Variants in CCDC3 observed in about 807,000 individuals in gnomAD.
CCDC3 encodes the protein coiled-coil domain containing 3.
Under a neutral mutation model 21.4 loss-of-function variants are expected in CCDC3, and 24 were observed. The observed-to-expected ratio is 1.12, with a 90% CI of 0.81 to 1.58. The LOEUF (loss-of-function observed/expected upper bound fraction) is 1.58. Ranked by LOEUF, CCDC3 falls within the 40% of genes most tolerant of loss-of-function variation. CCDC3 has a pLI of 0.00. For missense variants in CCDC3, 425 were observed against 360.9 expected, an observed-to-expected ratio of 1.18 and a Z score of -1.44; for synonymous variants, 186 against 166.0, an observed-to-expected ratio of 1.12 and a Z score of -0.93.
intron 2 of CCDC3, among the ~76,000 whole-genome samples, chr10:12,965,743 C>G (rs1564301532): frequency 1.3e-5 from 2 of 152,132 alleles, no homozygotes; most frequent in Non-Finnish European, 1.5e-5. Context: ...CTTTTGGATG[C>G]CGGCAGTTTG....
At chr10:13,085,546 T>C (rs1837091821) in intron 3 of CCDC3, among the ~76,000 whole-genome samples, 1 of 152,228 alleles carries the variant, frequency 6.6e-6, no homozygotes, top group South Asian at 2.1e-4. Context: ...TTGTAATGCA[T>C]ATCAGCATAT....
At chr10:13,055,526 T>C (rs1290854286) in intron 4 of CCDC3, among the ~76,000 whole-genome samples, 2 of 151,942 alleles carry the variant, frequency 1.3e-5, no homozygotes, top group African/African-American at 4.8e-5. Context: ...GACAGGGCTA[T>C]GTTGCCTAGG....
At chr10:13,023,172 A>G (rs1178287251) in intron 5 of CCDC3, among the ~76,000 whole-genome samples, 1 of 152,192 alleles carries the variant, frequency 6.6e-6, no homozygotes, top group African/African-American at 2.4e-5. Context: ...CTGCTATTGT[A>G]CAATTTTATC....
intron 3 of CCDC3, among the ~76,000 whole-genome samples, chr10:13,084,286 T>TC (rs71386146): frequency 0.3 from 37,667 of 123,918 alleles, 5,182 homozygotes; most frequent in Non-Finnish European, 0.35. Context: ...TCTTTTCTTT[T>TC]CTTTTTTTTT....
chr10:13,072,159 A>G (rs1368132400), intron 4 of CCDC3, among the ~76,000 whole-genome samples: 2 of 152,022 alleles, frequency 1.3e-5, no homozygotes, highest in African/African-American at 4.8e-5. Flanking sequence ...TCGTTTTGAT[A>G]TATGTTTCCT....
intron 5 of CCDC3, among the ~76,000 whole-genome samples, chr10:13,011,430 A>G (rs750853029): frequency 1.4e-4 from 22 of 152,172 alleles, no homozygotes; most frequent in Non-Finnish European, 2.5e-4. Flanking sequence ...ACACAATCCC[A>G]TTCAGAATTG....
At chr10:13,084,322 G>A (rs1459514338) in intron 3 of CCDC3, among the ~76,000 whole-genome samples, 6 of 124,446 alleles carry the variant, frequency 4.8e-5, no homozygotes, top group Non-Finnish European at 9.9e-5. Context: ...TTTCACTCTT[G>A]TTGCCCAGGC....
At chr10:12,996,934 G>A (rs1272640023) in intron 2 of CCDC3, among the ~76,000 whole-genome samples, 1 of 152,130 alleles carries the variant, frequency 6.6e-6, no homozygotes, top group African/African-American at 2.4e-5. Flanking sequence ...ACGTGAGGGT[G>A]GGAGGAGGGT....
rs182991969 is a variant in CCDC3 at position 13,023,891 on chromosome 10, C to T, written c.-1-25379G>A. ...TGGCCTACACACACCCAATATACAA[C>T]GATAAGGCAAGCATAGGAAACCTGC... On this transcript the variant is annotated intron_variant, in intron 5 of 6. Coordinates refer to the CCDC3 transcript ENST00000378839. 2.3e-4 allele frequency among the ~76,000 whole-genome samples: 35 copies of T among 152,032 alleles called. 1 individual carries two copies. The highest frequency in any genetic ancestry group is 1.5e-3 in the East Asian group (8 of 5,192).
intron 2 of CCDC3, among the ~76,000 whole-genome samples, chr10:12,922,130 C>T (rs281856): frequency 0.96 from 146,885 of 152,346 alleles, 71,045 homozygotes; most frequent in East Asian, 1. Flanking sequence ...TCTCTGACTC[C>T]CATTCCTCTT....
intron 4 of CCDC3, among the ~76,000 whole-genome samples, chr10:13,070,610 G>C (rs1442669746): frequency 2.6e-5 from 4 of 152,176 alleles, no homozygotes; most frequent in Non-Finnish European, 4.4e-5. Context: ...CTCAAGAAGA[G>C]AGGAGTTTGC....
chr10:13,068,868 G>C (rs964596998), intron 4 of CCDC3, among the ~76,000 whole-genome samples: 4 of 152,222 alleles, frequency 2.6e-5, no homozygotes, highest in Admixed American at 2.6e-4. Context: ...TGATAAGAAG[G>C]CGTAGAAATG....
At chr10:13,040,146 G>A (rs1241114863) in intron 5 of CCDC3, among the ~76,000 whole-genome samples, 3 of 152,216 alleles carry the variant, frequency 2.0e-5, no homozygotes, top group East Asian at 3.9e-4. Context: ...GGGCATGAGA[G>A]GGACGTCTCA....
intron 2 of CCDC3, among the ~76,000 whole-genome samples, chr10:12,989,919 T>C (rs530563024): frequency 6.6e-6 from 1 of 151,686 alleles, no homozygotes; most frequent in Admixed American, 6.6e-5. Flanking sequence ...TTCAGTGCCA[T>C]GTGCAAGCAG....
chr10:12,915,509 C>T (rs894966650), intron 2 of CCDC3, among the ~76,000 whole-genome samples: 1 of 152,180 alleles, frequency 6.6e-6, no homozygotes, highest in Middle Eastern at 3.4e-3. Flanking sequence ...GTTACTGGTG[C>T]TTTATTTTGT....
At chr10:13,072,867 C>CTTTCT (rs1836902364) in intron 4 of CCDC3, among the ~76,000 whole-genome samples, 1 of 118,026 alleles carries the variant, frequency 8.5e-6, no homozygotes, top group African/African-American at 3.1e-5. Context: ...TCTTTTCTTT[C>CTTTCT]TTTTTTTTTT....
intron 2 of CCDC3, among the ~76,000 whole-genome samples, chr10:12,916,303 A>G (rs1244082389): frequency 2.6e-5 from 4 of 151,988 alleles, no homozygotes; most frequent in Admixed American, 1.3e-4. Context: ...ATGGTGGTGC[A>G]TGCCTGTAAT....
Position 13,023,876 on chromosome 10 carries a change from A to G in CCDC3, c.-1-25364T>C, listed in dbSNP as rs142797032. Among the ~76,000 whole-genome samples, 836 of 152,258 alleles carry G rather than the reference A, an allele frequency of 5.5e-3. 22 individuals carry two copies. Among genetic ancestry groups the G allele is most frequent in the Admixed American group, 0.052 (797 of 15,286 alleles). On this transcript the variant is annotated intron_variant, in intron 5 of 6. Coordinates refer to the CCDC3 transcript ENST00000378839. ...AAGAGGTGTGTTTTCTGGCCTACAC[A>G]CACCCAATATACAACGATAAGGCAA...
At chr10:12,957,296 G>A (rs530023906) in intron 2 of CCDC3, among the ~76,000 whole-genome samples, 3 of 152,280 alleles carry the variant, frequency 2.0e-5, no homozygotes, top group African/African-American at 7.2e-5. Context: ...TAAAGGGTTC[G>A]GGGCCGAGCT....
Sources: gnomAD v4.1 joint callset for allele counts (sites outside exome capture counted in the v4.1 genomes callset) on GRCh38, gnomAD v4.1.1 for gene constraint, MANE v1.5 for transcripts, NCBI Gene and HGNC (gene_info 2026-07-23, HGNC 2026-07-21) for gene names.